The following RYR3 variants were observed in gnomAD, a reference collection of about 807,000 sequenced individuals.
The protein encoded by RYR3 is ryanodine receptor 3.
In RYR3, 207 loss-of-function variants were observed where a neutral mutation model predicts 584.3. The observed-to-expected ratio is 0.35, with a 90% CI of 0.32 to 0.40. The LOEUF (loss-of-function observed/expected upper bound fraction) is 0.40. RYR3 is among the 10% of genes least tolerant of loss of function. RYR3 has a pLI of 1.00. For synonymous variants in RYR3, 2,416 were observed against 2,248.5 expected, an observed-to-expected ratio of 1.07 and a Z score of -2.11; for missense variants, 5,616 against 6,089.2, an observed-to-expected ratio of 0.92 and a Z score of 2.59.
intron 1 of RYR3, among the ~76,000 whole-genome samples, chr15:33,341,990 G>C (rs1193185216): frequency 2.0e-5 from 3 of 152,206 alleles, no homozygotes; most frequent in Non-Finnish European, 4.4e-5. Context: ...CTGGAATTTA[G>C]GGTTAGTGAT....
At chr15:33,706,600 G>A (rs1473868796) in intron 42 of RYR3, among the ~76,000 whole-genome samples, 4 of 152,128 alleles carry the variant, frequency 2.6e-5, no homozygotes, top group African/African-American at 2.4e-5. Flanking sequence ...CCCATTGTAC[G>A]TATATATCAC....
intron 1 of RYR3, chr15:33,467,517 A>G: frequency 1.0e-6 from 1 of 979,378 alleles, no homozygotes; most frequent in Non-Finnish European, 1.2e-6. Context: ...TAAGGATAAA[A>G]TAGGCAAGAT....
rs556687788 is a variant in RYR3 at position 33,677,304 on chromosome 15, A to G, written c.5860+6748A>G. 6.6e-5 allele frequency among the ~76,000 whole-genome samples: 10 copies of G among 152,176 alleles called. No individual in the cohort carries two copies. In the East Asian group the frequency reaches 1.2e-3, roughly 18 times the overall value. ...CTTGCCTCATAATCACTTATTCTCT[A>G]TATTGAAACTAAAAAGCAATTCGAT... On this transcript the variant is annotated intron_variant, in intron 38 of 103. Coordinates refer to ENST00000634891, the MANE Select transcript of RYR3 (RefSeq NM_001036.6).
chr15:33,522,020 G>A (rs144452024), intron 3 of RYR3, among the ~76,000 whole-genome samples: 2,504 of 150,944 alleles, frequency 0.017, 51 homozygotes, highest in South Asian at 0.032. Flanking sequence ...TTGGGAGGCC[G>A]AGGCAGGCAG....
intron 1 of RYR3, among the ~76,000 whole-genome samples, chr15:33,471,962 C>T (rs149942798): frequency 8.5e-5 from 13 of 152,270 alleles, no homozygotes; most frequent in African/African-American, 2.9e-4. Flanking sequence ...GCACACTCCA[C>T]CTGAGGAAAA....
At chr15:33,451,271 A>G (rs1418473968) in intron 1 of RYR3, among the ~76,000 whole-genome samples, 1 of 152,086 alleles carries the variant, frequency 6.6e-6, no homozygotes, top group Non-Finnish European at 1.5e-5. Flanking sequence ...CATTACCTCT[A>G]TTCAAACGGG....
intron 1 of RYR3, among the ~76,000 whole-genome samples, chr15:33,419,768 C>T (rs1416190499): frequency 1.3e-5 from 2 of 152,150 alleles, no homozygotes; most frequent in East Asian, 3.9e-4. Flanking sequence ...TTTGTGCCCA[C>T]TTACAAGACG....
At chr15:33,852,640 C>G (rs1269953438) in intron 94 of RYR3, 1 of 168,114 alleles carries the variant, frequency 5.9e-6, no homozygotes, top group Non-Finnish European at 1.3e-5. Context: ...TCGCCATTAT[C>G]TACCCCAGTA....
intron 10 of RYR3, among the ~76,000 whole-genome samples, chr15:33,556,369 C>A (rs1287489526): frequency 6.6e-6 from 1 of 152,308 alleles, no homozygotes; most frequent in South Asian, 2.1e-4. Context: ...TTCTAAGATG[C>A]AACTCTGTGT....
chr15:33,772,111 C>G lies in RYR3; in HGVS notation c.9008C>G (p.Ser3003Cys). ...TTVALLPILT[S>C]IFEHVTQHQF... Reference sequence around the variant, plus strand: ...GTGGCTCTGCTCCCCATCCTGACGTCCATCTTTGAGCACGTCACTCAGCAT... The same window carrying G: ...GTGGCTCTGCTCCCCATCCTGACGTGCATCTTTGAGCACGTCACTCAGCAT... Residue 3003 changes from serine to cysteine, a missense_variant, in exon 63 of 104, where the codon TCC becomes TGC. Physicochemically the swap from Ser to Cys is moderately radical, Grantham distance 112. Transcript: ENST00000634891. 1 of 1,613,522 alleles carries G rather than the reference C, an allele frequency of 6.2e-7. No homozygotes were observed. Among genetic ancestry groups the G allele is most frequent in the Non-Finnish European group, 8.5e-7 (1 of 1,179,610 alleles).
chr15:33,835,212 G>A, intron 87 of RYR3, 140 bp downstream of exon 87: 1 of 648,596 alleles, frequency 1.5e-6, no homozygotes, highest in Non-Finnish European at 2.6e-6. Flanking sequence ...TTTTTAAACT[G>A]AAGGCCAAAA....
At chr15:33,587,828 A>T (rs1269716509) in intron 16 of RYR3, among the ~76,000 whole-genome samples, 1 of 152,174 alleles carries the variant, frequency 6.6e-6, no homozygotes, top group Non-Finnish European at 1.5e-5. Context: ...TCAAACCATC[A>T]CTAATGTATT....
At position 33,860,671 on chromosome 15, in the gene RYR3, C is replaced by CT; in HGVS notation, c.14364+13dup. On this transcript the variant is annotated intron_variant, in intron 101 of 103. Coordinates refer to ENST00000634891, the MANE Select transcript of RYR3 (RefSeq NM_001036.6). Reference sequence around the variant, plus strand: ...GAGAAGATATGGAGGTAATGTTACTCTAACTACTAATCCCAGCTCTATTTT... The same window carrying CT: ...GAGAAGATATGGAGGTAATGTTACTCTTAACTACTAATCCCAGCTCTATTTT... 6.4e-7 allele frequency: 1 copy of CT among 1,551,634 alleles called. No individual in the cohort carries two copies. Among genetic ancestry groups the CT allele is most frequent in the Non-Finnish European group, 8.8e-7 (1 of 1,136,252 alleles).
At chr15:33,553,536 C>T (rs2056843587) in intron 10 of RYR3, among the ~76,000 whole-genome samples, 1 of 152,214 alleles carries the variant, frequency 6.6e-6, no homozygotes, top group East Asian at 1.9e-4. Flanking sequence ...ATTGGCCGGG[C>T]CTGGCTCAAA....
chr15:33,685,558 C>T (rs532494682), intron 38 of RYR3, among the ~76,000 whole-genome samples: 2 of 152,258 alleles, frequency 1.3e-5, no homozygotes, highest in South Asian at 4.1e-4. Flanking sequence ...ACAAGGATAT[C>T]CAGGAATTGA....
chr15:33,807,904 T>C (rs1461645010), intron 70 of RYR3: 5 of 341,358 alleles, frequency 1.5e-5, no homozygotes, highest in Non-Finnish European at 2.7e-5. Flanking sequence ...AGGGGACTAC[T>C]CCTCGTGGTG....
chr15:33,374,364 ATGTGTGTGTGTGTGTGTGTGTGTGTG>A, intron 1 of RYR3, among the ~76,000 whole-genome samples: 1 of 145,028 alleles, frequency 6.9e-6, no homozygotes, highest in South Asian at 2.3e-4. Flanking sequence ...GTACGAGTGT[ATGTGTGTGTGTGTGTGTGTGTGTGTG>A]TGTGTGTGTA....
intron 72 of RYR3, 82 bp downstream of exon 72, chr15:33,811,119 A>C: frequency 8.8e-7 from 1 of 1,134,066 alleles, no homozygotes; most frequent in South Asian, 1.3e-5. Flanking sequence ...TCATTTACTC[A>C]TGCTTCTTAT....
intron 97 of RYR3, 29 bp from the exon 98 acceptor site, chr15:33,854,737 C>T (rs2079468292): frequency 1.3e-6 from 2 of 1,581,818 alleles, no homozygotes; most frequent in East Asian, 4.5e-5. Flanking sequence ...GGCAAACATG[C>T]TTAAAAGTCT....
Sources: gnomAD v4.1 joint callset for allele counts (sites outside exome capture counted in the v4.1 genomes callset) on GRCh38, gnomAD v4.1.1 for gene constraint, MANE v1.5 for transcripts, NCBI Gene and HGNC (gene_info 2026-07-23, HGNC 2026-07-21) for gene names.